Variants in PREX2 observed in about 807,000 individuals in gnomAD.
PREX2 encodes phosphatidylinositol-3,4,5-trisphosphate dependent Rac exchange factor 2, also known as phosphatidylinositol 3,4,5-trisphosphate-dependent Rac exchanger 2 protein.
Under a neutral mutation model 203.2 loss-of-function variants are expected in PREX2, and 107 were observed. That is an observed-to-expected ratio of 0.53 (90% CI 0.45 to 0.62). PREX2 has a LOEUF of 0.62. Among genes scored for constraint, PREX2 ranks in the 20% least tolerant of loss-of-function variants. The probability of loss-of-function intolerance (pLI) is 0.00; values close to 1 mark genes in which losing one functional copy is unlikely to be tolerated. For synonymous variants in PREX2, 672 were observed against 663.6 expected, an observed-to-expected ratio of 1.01 and a Z score of -0.19; for missense variants, 1,777 against 1,955.9, an observed-to-expected ratio of 0.91 and a Z score of 1.72.
chr8:68,182,485 A>G (rs1812103978), intron 35 of PREX2, among the ~76,000 whole-genome samples: 1 of 152,126 alleles, frequency 6.6e-6, no homozygotes, highest in Admixed American at 6.6e-5. Flanking sequence ...AGTTGTAGCT[A>G]ATATTTATAA....
At chr8:67,976,654 G>C (rs372334536) in intron 1 of PREX2, among the ~76,000 whole-genome samples, 152 of 67,618 alleles carry the variant, frequency 2.2e-3, no homozygotes, top group East Asian at 3.4e-3. Flanking sequence ...CAGAGAGAGA[G>C]AGACGGGAGA....
chr8:68,226,235 A>G (rs1202752800), intron 39 of PREX2, among the ~76,000 whole-genome samples: 2 of 152,210 alleles, frequency 1.3e-5, no homozygotes, highest in African/African-American at 2.4e-5. Context: ...GCACTCTGCT[A>G]TGCCCCAAGG....
At chr8:68,224,772 G>T in intron 39 of PREX2, 146 bp downstream of exon 39, 1 of 594,768 alleles carries the variant, frequency 1.7e-6, no homozygotes, top group Non-Finnish European at 3.0e-6. Context: ...ACACCCAATG[G>T]CTAAGTGTGA....
chr8:67,970,769 A>C (rs1227931233), intron 1 of PREX2, among the ~76,000 whole-genome samples: 1 of 152,234 alleles, frequency 6.6e-6, no homozygotes, highest in Non-Finnish European at 1.5e-5. Context: ...AGTGCATGTC[A>C]GGAGGCTTGA....
chr8:67,974,491 T>C (rs2129019683), intron 1 of PREX2, among the ~76,000 whole-genome samples: 1 of 152,322 alleles, frequency 6.6e-6, no homozygotes, highest in Middle Eastern at 3.4e-3. Context: ...GCTAAAATCC[T>C]ACCTAGAAAT....
At chr8:68,095,559 ATCTATG>A (rs1380211915) in intron 21 of PREX2, among the ~76,000 whole-genome samples, 2 of 129,402 alleles carry the variant, frequency 1.5e-5, no homozygotes, top group Non-Finnish European at 3.2e-5. Context: ...GTGTGTGTGT[ATCTATG>A]TGTGTGTGTG....
chr8:68,059,339 A>G (rs1808776773), intron 10 of PREX2, among the ~76,000 whole-genome samples: 1 of 152,098 alleles, frequency 6.6e-6, no homozygotes, highest in African/African-American at 2.4e-5. Flanking sequence ...TAAGTGATAC[A>G]AAACATCATC....
intron 1 of PREX2, among the ~76,000 whole-genome samples, chr8:67,959,183 AC>A (rs1183418320): frequency 1.3e-5 from 2 of 152,192 alleles, no homozygotes; most frequent in African/African-American, 4.8e-5. Context: ...AGAAGTTGAT[AC>A]TTTGAAAGCC....
intron 32 of PREX2, among the ~76,000 whole-genome samples, chr8:68,135,464 G>A (rs1811097835): frequency 6.6e-6 from 1 of 152,064 alleles, no homozygotes; most frequent in South Asian, 2.1e-4. Flanking sequence ...TGTCCAAAAA[G>A]CACATGAAAA....
At chr8:68,165,187 T>C (rs1166550409) in intron 35 of PREX2, among the ~76,000 whole-genome samples, 1 of 152,120 alleles carries the variant, frequency 6.6e-6, no homozygotes, top group Non-Finnish European at 1.5e-5. Context: ...TCCCTGGATG[T>C]TAGCATTTCA....
chr8:67,953,114 A>C (rs1485980873), intron 1 of PREX2, among the ~76,000 whole-genome samples: 1 of 151,796 alleles, frequency 6.6e-6, no homozygotes, highest in Non-Finnish European at 1.5e-5. Context: ...GATCTCTAGC[A>C]GCTGTTGGAT....
intron 32 of PREX2, among the ~76,000 whole-genome samples, 163 bp from the exon 33 acceptor site, chr8:68,138,252 A>T (rs1585821956): frequency 6.6e-6 from 1 of 152,282 alleles, no homozygotes; most frequent in East Asian, 1.9e-4. Flanking sequence ...TGTTCATTTC[A>T]TTTTGGGCAG....
At chr8:68,222,369 A>G (rs1812969543) in intron 38 of PREX2, among the ~76,000 whole-genome samples, 1 of 151,914 alleles carries the variant, frequency 6.6e-6, no homozygotes, top group Non-Finnish European at 1.5e-5. Flanking sequence ...TGATGGCAGC[A>G]TATTAAAAAG....
intron 15 of PREX2, among the ~76,000 whole-genome samples, chr8:68,078,587 A>G (rs951377922): frequency 1.3e-5 from 2 of 152,214 alleles, no homozygotes; most frequent in Non-Finnish European, 2.9e-5. Flanking sequence ...CAAAGGTTAC[A>G]GTGATTTTGA....
At chr8:68,158,062 AATATATATATGTATATATATATTCAC>A (rs1353015796) in intron 35 of PREX2, among the ~76,000 whole-genome samples, 53 of 147,924 alleles carry the variant, frequency 3.6e-4, no homozygotes, top group African/African-American at 1.3e-3. Flanking sequence ...TGTGTGTGTG[AATATATATATGTATATATATATTCAC>A]ATATATATGT....
chr8:68,031,887 A>G (rs908836518), intron 6 of PREX2, among the ~76,000 whole-genome samples: 2 of 152,218 alleles, frequency 1.3e-5, no homozygotes, highest in Non-Finnish European at 1.5e-5. Flanking sequence ...TTTAAATTGC[A>G]GAATTTGTCA....
intron 1 of PREX2, among the ~76,000 whole-genome samples, chr8:67,992,726 G>C (rs1806645242): frequency 6.6e-6 from 1 of 152,192 alleles, no homozygotes; most frequent in Non-Finnish European, 1.5e-5. Context: ...GCAGCCAAAA[G>C]CTTAATTTCT....
intron 1 of PREX2, among the ~76,000 whole-genome samples, chr8:67,975,272 GTTTT>G (rs75276095): frequency 2.1e-5 from 2 of 96,826 alleles, no homozygotes; most frequent in African/African-American, 4.5e-5. Flanking sequence ...CACACGGCCT[GTTTT>G]TTTTTTTTTT....
At chr8:68,032,814 A>G (rs1363032685) in intron 6 of PREX2, among the ~76,000 whole-genome samples, 1 of 152,156 alleles carries the variant, frequency 6.6e-6, no homozygotes, top group Non-Finnish European at 1.5e-5. Flanking sequence ...GTTCAGACGT[A>G]GGGTGGCATG....
Sources: allele counts gnomAD v4.1 joint callset (sites outside exome capture counted in the v4.1 genomes callset), GRCh38; gene constraint gnomAD v4.1.1; transcripts MANE v1.5; gene names NCBI Gene and HGNC (gene_info 2026-07-23, HGNC 2026-07-21).